FHOD3: variants seen among roughly 807,000 people sequenced by gnomAD.
FHOD3 encodes the protein FH1/FH2 domain-containing protein 3.
FHOD3 carries 90 observed loss-of-function variants against 173.0 expected under a neutral mutation model. That is an observed-to-expected ratio of 0.52 (90% CI 0.44 to 0.62). The LOEUF (loss-of-function observed/expected upper bound fraction) is 0.62. Ranked by LOEUF, FHOD3 falls within the 20% of genes least tolerant of loss-of-function variation. FHOD3 has a pLI of 0.00. For synonymous variants in FHOD3, 828 were observed against 823.0 expected, an observed-to-expected ratio of 1.01 and a Z score of -0.10; for missense variants, 1,945 against 2,034.7, an observed-to-expected ratio of 0.96 and a Z score of 0.85.
rs148406479 is a variant in FHOD3, at chr18:36,677,396, G to A, written c.1836-4040G>A. Among the ~76,000 whole-genome samples, 33 of 152,028 alleles carry A rather than the reference G, an allele frequency of 2.2e-4. No individual in the cohort carries two copies. The South Asian group carries it at 2.5e-3, about 11-fold the overall frequency. On this transcript the variant is annotated intron_variant, in intron 14 of 28. Transcript: ENST00000590592. ...CAAACTCCTGACCGCAGGTGATCCC[G>A]CCTCAGCCTCCCAAAGTGCTGGGAT...
At chr18:36,378,490 C>T (rs989469232) in intron 3 of FHOD3, among the ~76,000 whole-genome samples, 1 of 151,256 alleles carries the variant, frequency 6.6e-6, no homozygotes, top group African/African-American at 2.4e-5. Context: ...GCAGGTCAGC[C>T]TGTCAGCCTC....
intron 7 of FHOD3, among the ~76,000 whole-genome samples, chr18:36,597,704 G>C (rs1295041694): frequency 1.3e-5 from 2 of 152,104 alleles, no homozygotes; most frequent in Admixed American, 6.5e-5. Context: ...GGGATTACAG[G>C]CGTGAGCCAC....
intron 19 of FHOD3, among the ~76,000 whole-genome samples, chr18:36,725,898 A>G (rs1014573932): frequency 2.6e-5 from 4 of 152,096 alleles, no homozygotes; most frequent in Non-Finnish European, 5.9e-5. Flanking sequence ...CTGTTCTATT[A>G]TTCCAACTAT....
At chr18:36,439,613 G>T (rs925415415) in intron 3 of FHOD3, among the ~76,000 whole-genome samples, 2 of 150,318 alleles carry the variant, frequency 1.3e-5, no homozygotes, top group African/African-American at 2.5e-5. Flanking sequence ...TGATTATGAA[G>T]CCCAAGAAGT....
chr18:36,770,607 A>G (rs1195957031), intron 28 of FHOD3, among the ~76,000 whole-genome samples: 1 of 152,124 alleles, frequency 6.6e-6, no homozygotes, highest in African/African-American at 2.4e-5. Context: ...GGAGCAGGGA[A>G]TGGGATTCTC....
chr18:36,658,046 C>T (rs556760023), intron 13 of FHOD3, 29 bp from the exon 14 acceptor site: 6 of 1,496,248 alleles, frequency 4.0e-6, no homozygotes, highest in African/African-American at 2.8e-5. Flanking sequence ...TATCCTTTTC[C>T]CCCCAACTTA....
intron 24 of FHOD3, among the ~76,000 whole-genome samples, chr18:36,752,321 G>T (rs1206144387): frequency 6.6e-6 from 1 of 152,168 alleles, no homozygotes; most frequent in African/African-American, 2.4e-5. Context: ...CCATTCAAGG[G>T]GGAGAGACAG....
At chr18:36,363,186 C>A (rs1074127) in intron 2 of FHOD3, among the ~76,000 whole-genome samples, 23,759 of 152,166 alleles carry the variant, frequency 0.16, 2,111 homozygotes, top group South Asian at 0.33. Context: ...AACACTCATT[C>A]ATTGCTGGTG....
Position 36,665,139 on chromosome 18 carries a change from A to G in FHOD3, c.1835+6951A>G, listed in dbSNP as rs539912521. Among the ~76,000 whole-genome samples, 31 of 152,336 alleles carry G rather than the reference A, an allele frequency of 2.0e-4. No homozygotes were observed. In the South Asian group the frequency reaches 5.6e-3, roughly 27 times the overall value. On this transcript the variant is annotated intron_variant, in intron 14 of 28. Coordinates refer to ENST00000590592, the MANE Select transcript of FHOD3 (RefSeq NM_001281740.3). ...TAGATCACTGAATGTTTGTTTTCCT[A>G]TCTCTTTCCCCATTCCTTCCCTCAA...
At chr18:36,573,754 G>T (rs1186472510) in intron 5 of FHOD3, among the ~76,000 whole-genome samples, 3 of 152,182 alleles carry the variant, frequency 2.0e-5, no homozygotes, top group Non-Finnish European at 4.4e-5. Context: ...GTAAATGACT[G>T]TGTACGCTGA....
In FHOD3 at chr18:36,629,239, A is replaced by G. The variant is rs545665658; in HGVS notation, c.1196+3490A>G. 9.2e-5 allele frequency among the ~76,000 whole-genome samples: 14 copies of G among 152,316 alleles called. 1 individual carries two copies. In the South Asian group the frequency reaches 2.7e-3, roughly 29 times the overall value. ...GGAGTACCAGACGGTCTCTATTGCA[A>G]CTACTCAACTGAATTCTGCCTTTGT... On this transcript the variant is annotated intron_variant, in intron 10 of 28. Transcript: ENST00000590592.
chr18:36,701,918 T>C (rs2039611679), intron 17 of FHOD3, among the ~76,000 whole-genome samples: 1 of 152,212 alleles, frequency 6.6e-6, no homozygotes, highest in Admixed American at 6.5e-5. Flanking sequence ...GAAGTCATCT[T>C]CAGTGGGGCT....
chr18:36,400,578 G>A (rs531071866), intron 3 of FHOD3, among the ~76,000 whole-genome samples: 1 of 152,344 alleles, frequency 6.6e-6, no homozygotes, highest in East Asian at 1.9e-4. Context: ...AGCGGTCTGA[G>A]AAGGAGACTG....
intron 3 of FHOD3, among the ~76,000 whole-genome samples, chr18:36,420,103 C>A (rs990895036): frequency 6.6e-6 from 1 of 152,164 alleles, no homozygotes; most frequent in South Asian, 2.1e-4. Flanking sequence ...GAATGCGGAG[C>A]CTGGAAAGGG....
intron 20 of FHOD3, among the ~76,000 whole-genome samples, chr18:36,739,792 G>A (rs2041817771): frequency 6.6e-6 from 1 of 152,142 alleles, no homozygotes; most frequent in Admixed American, 6.5e-5. Context: ...ATGGATTTTT[G>A]TGTATTGACC....
At chr18:36,729,370 G>A (rs1468257691) in intron 19 of FHOD3, among the ~76,000 whole-genome samples, 2 of 152,236 alleles carry the variant, frequency 1.3e-5, no homozygotes, top group African/African-American at 2.4e-5. Flanking sequence ...GAAGAGGAAA[G>A]CTGGGGGCCT....
intron 7 of FHOD3, among the ~76,000 whole-genome samples, chr18:36,600,290 T>C (rs201202023): frequency 2.0e-3 from 160 of 81,096 alleles, no homozygotes; most frequent in South Asian, 3.9e-3. Context: ...CACACACACA[T>C]ATGCACACAT....
At chr18:36,437,847 A>T (rs1039757659) in intron 3 of FHOD3, among the ~76,000 whole-genome samples, 2 of 151,994 alleles carry the variant, frequency 1.3e-5, no homozygotes, top group African/African-American at 4.8e-5. Context: ...TATTTTTAGT[A>T]GAGATGGGAT....
At chr18:36,367,776 G>A (rs1322119777) in intron 2 of FHOD3, among the ~76,000 whole-genome samples, 2 of 152,096 alleles carry the variant, frequency 1.3e-5, no homozygotes, top group Admixed American at 6.5e-5. Context: ...AATTGTGATC[G>A]TCAGGTGTGG....
Sources: allele counts gnomAD v4.1 joint callset (sites outside exome capture counted in the v4.1 genomes callset), GRCh38; gene constraint gnomAD v4.1.1; transcripts MANE v1.5; gene names NCBI Gene and HGNC (gene_info 2026-07-23, HGNC 2026-07-21).